KIAA0753: variants seen among roughly 807,000 people sequenced by gnomAD.
KIAA0753 encodes protein moonraker.
A neutral mutation model predicts 116.9 loss-of-function variants in KIAA0753; 114 were observed. That is an observed-to-expected ratio of 0.98 (90% CI 0.84 to 1.14). The LOEUF is 1.14. Among genes scored for constraint, KIAA0753 ranks in the 50% most tolerant of loss-of-function variants. The pLI is 0.00. For missense variants in KIAA0753, 1,156 were observed against 1,172.4 expected, an observed-to-expected ratio of 0.99 and a Z score of 0.20; for synonymous variants, 405 against 413.1, an observed-to-expected ratio of 0.98 and a Z score of 0.24.
Position 6,595,073 on chromosome 17 carries a change from A to G in KIAA0753, c.2359-20T>C, listed in dbSNP as rs1334835298. ...GTATTTCTTTAAAAAAAAAGAAAAA[A>G]GTTTAATTTATGAGAAAAAATGAGT... On this transcript the variant is annotated intron_variant, in intron 15 of 18. Coordinates refer to ENST00000361413, the MANE Select transcript of KIAA0753 (RefSeq NM_014804.3). 6.5e-7 allele frequency: 1 copy of G among 1,541,262 alleles called. No individual in the cohort carries two copies.
intron 12 of KIAA0753, 104 bp from the exon 13 acceptor site, chr17:6,600,562 C>A: frequency 1.3e-6 from 1 of 795,284 alleles, no homozygotes; most frequent in Non-Finnish European, 2.0e-6. Context: ...TGACCACGAG[C>A]TTCTCTAACC....
chr17:6,580,930 A>ACACACACC (rs149966522), intron 18 of KIAA0753, among the ~76,000 whole-genome samples: 3,131 of 143,952 alleles, frequency 0.022, 116 homozygotes, highest in African/African-American at 0.07. Flanking sequence ...ACACACACAC[A>ACACACACC]CCTTCATTTT....
Position 6,579,486 on chromosome 17 carries a change from C to T in KIAA0753, c.*261G>A. On this transcript the variant is annotated 3_prime_UTR_variant, in exon 19 of 19. Coordinates refer to ENST00000361413, the MANE Select transcript of KIAA0753 (RefSeq NM_014804.3). Reference sequence around the variant, plus strand: ...TATTTCAATAGGAAAAGTACACATTCTGAAAATATTGCCATAATCAAGTTG... The same window carrying T: ...TATTTCAATAGGAAAAGTACACATTTTGAAAATATTGCCATAATCAAGTTG... The T allele has an allele frequency of 2.6e-6, 1 of 380,064 alleles. No homozygotes were observed. The highest frequency in any genetic ancestry group is 4.8e-6 in the Non-Finnish European group (1 of 206,810). The allele number at this position is 380,064 out of a possible 1,614,324, so 23.5% of individuals were successfully genotyped here.
intron 1 of KIAA0753, chr17:6,637,056 T>A (rs1972370865): frequency 6.6e-6 from 1 of 152,522 alleles, no homozygotes; most frequent in Admixed American, 6.5e-5. Flanking sequence ...AGGTGTGAGA[T>A]GTCCCCACAG....
chr17:6,595,168 G>A, intron 15 of KIAA0753, 115 bp from the exon 16 acceptor site: 4 of 693,328 alleles, frequency 5.8e-6, no homozygotes, highest in East Asian at 5.4e-5. Flanking sequence ...CGTACTGCCA[G>A]ACATGGGCAC....
chr17:6,612,219 T>C lies in KIAA0753; in HGVS notation c.1316-71A>G, dbSNP rs369776374. 1.5e-5 allele frequency: 17 copies of C among 1,123,094 alleles called. No individual in the cohort carries two copies. The South Asian group carries it at 1.8e-4, about 12-fold the overall frequency. 69.6% of individuals were successfully genotyped at this position (1,123,094 alleles called of 1,614,324 possible). A position where few individuals can be genotyped will look rare whatever the true frequency, so the allele number is the denominator to read the frequency against. ...AATCAAATTGCTGAGAATGATTATC[T>C]ACACACAGATAGGCTCCAAATACCT... On this transcript the variant is annotated intron_variant, in intron 7 of 18. Transcript: ENST00000361413.
Position 6,612,142 on chromosome 17 carries a change from T to C in KIAA0753, c.1322A>G (p.Tyr441Cys). Residue 441 changes from tyrosine (Y) to cysteine (C), a missense_variant, in exon 8 of 19, where the codon TAT (tyrosine) becomes TGT (cysteine). Coordinates refer to ENST00000361413, the MANE Select transcript of KIAA0753 (RefSeq NM_014804.3). ...CTCCGGAAGCTCCGTATCGGGCTGA[T>C]ACTTATCTACATGGAAATTTTTGAA... The part of the protein sequence containing the change: ...SVAKQLLADK[Y>C]QPDTELPETQ... The C allele has an allele frequency of 3.8e-6, 6 of 1,599,454 alleles. No individual in the cohort carries two copies. Among genetic ancestry groups the C allele is most frequent in the Non-Finnish European group, 4.3e-6 (5 of 1,175,098 alleles).
At position 6,578,677 on chromosome 17, in the gene KIAA0753, T is replaced by C. The variant is rs1230365189; in HGVS notation, c.*1070A>G. 6.6e-6 allele frequency: 1 copy of C among 152,256 alleles called. No homozygotes were observed. Among genetic ancestry groups the C allele is most frequent in the African/African-American group, 2.4e-5 (1 of 41,460 alleles). 9.4% of individuals were successfully genotyped at this position (152,256 alleles called of 1,614,324 possible). On this transcript the variant is annotated 3_prime_UTR_variant, in exon 19 of 19. Coordinates refer to ENST00000361413, the MANE Select transcript of KIAA0753 (RefSeq NM_014804.3). ...GGGCGTCTCAGGCATTCTTTCTGCA[T>C]GTTTCCTTCACTGAGCCTCAGGCTA...
At chr17:6,632,291 G>A (rs1311088560) in intron 2 of KIAA0753, among the ~76,000 whole-genome samples, 5 of 152,030 alleles carry the variant, frequency 3.3e-5, no homozygotes, top group Non-Finnish European at 4.4e-5. Flanking sequence ...GGCTCTCACT[G>A]GCTAAATCAA....
At chr17:6,584,871 A>G (rs1165191240) in intron 18 of KIAA0753, among the ~76,000 whole-genome samples, 2 of 152,184 alleles carry the variant, frequency 1.3e-5, no homozygotes, top group African/African-American at 4.8e-5. Flanking sequence ...GTGCCATCTC[A>G]GCTCACTGCA....
intron 1 of KIAA0753, chr17:6,635,824 C>T (rs1259767583): frequency 6.6e-6 from 1 of 152,134 alleles, no homozygotes; most frequent in Non-Finnish European, 1.5e-5. Flanking sequence ...ATTCTGAAGG[C>T]CTCATTATAG....
intron 3 of KIAA0753, among the ~76,000 whole-genome samples, chr17:6,627,883 G>A (rs1027939554): frequency 6.6e-6 from 1 of 152,152 alleles, no homozygotes; most frequent in Admixed American, 6.5e-5. Flanking sequence ...CATTTGAAGG[G>A]CAGCCACAGT....
rs958005478 is a variant in KIAA0753, at chr17:6,639,481, T to G, written c.-69+1156A>C. On this transcript the variant is annotated intron_variant, in intron 1 of 18. Coordinates refer to ENST00000361413, the MANE Select transcript of KIAA0753 (RefSeq NM_014804.3). The surrounding 1 kb of genome is among the most constrained non-coding windows in gnomAD (Gnocchi z 4.3). The stretch of plus-strand genomic sequence containing the variant: ...CCCCACAGCTTCTCCCCTCCACAGG[T>G]GCGGGGCCATTTCAGAACTTGACGC... The G allele has an allele frequency of 6.6e-6, 1 of 152,626 alleles. No homozygotes were observed. Among genetic ancestry groups the G allele is most frequent in the Non-Finnish European group, 1.5e-5 (1 of 68,458 alleles). 9.5% of individuals were successfully genotyped at this position (152,626 alleles called of 1,614,324 possible).
intron 18 of KIAA0753, among the ~76,000 whole-genome samples, chr17:6,582,147 C>T (rs1567529096): frequency 6.6e-6 from 1 of 152,178 alleles, no homozygotes; most frequent in Non-Finnish European, 1.5e-5. Flanking sequence ...TCACAATGTA[C>T]TTACTTATTT....
chr17:6,581,288 G>T (rs1365417949), intron 18 of KIAA0753, among the ~76,000 whole-genome samples: 1 of 151,786 alleles, frequency 6.6e-6, no homozygotes. Flanking sequence ...GGGGGGGTGG[G>T]GAGAATATCC....
At chr17:6,638,274 C>A (rs1041813764) in intron 1 of KIAA0753, 3 of 152,758 alleles carry the variant, frequency 2.0e-5, no homozygotes, top group Admixed American at 6.5e-5. Context: ...CGGGTCCCCC[C>A]GAAGCCACAG....
intron 18 of KIAA0753, among the ~76,000 whole-genome samples, chr17:6,580,824 G>T (rs1010863098): frequency 6.6e-6 from 1 of 151,842 alleles, no homozygotes; most frequent in African/African-American, 2.4e-5. Flanking sequence ...CTGACCGGCC[G>T]ACGGAGGAAG....
intron 2 of KIAA0753, among the ~76,000 whole-genome samples, chr17:6,632,000 G>A (rs1241382925): frequency 6.6e-6 from 1 of 151,974 alleles, no homozygotes; most frequent in Non-Finnish European, 1.5e-5. Context: ...CTACTGCCTC[G>A]GCCTCCCAAG....
At chr17:6,612,606 G>A (rs1247898086) in intron 7 of KIAA0753, among the ~76,000 whole-genome samples, 3 of 152,154 alleles carry the variant, frequency 2.0e-5, no homozygotes, top group Non-Finnish European at 2.9e-5. Flanking sequence ...GGTGGCTCAC[G>A]CCTGAAATCC....
Sources: gnomAD v4.1 joint callset for allele counts (sites outside exome capture counted in the v4.1 genomes callset) on GRCh38, gnomAD v4.1.1 for gene constraint, Gnocchi (gnomAD v3.1) non-coding constraint, MANE v1.5 for transcripts, NCBI Gene and HGNC (gene_info 2026-07-23, HGNC 2026-07-21) for gene names.